The following SMYD3 variants were observed in gnomAD, a reference collection of about 807,000 sequenced individuals.
SMYD3 encodes histone-lysine N-methyltransferase SMYD3.
In SMYD3, 36 loss-of-function variants were observed where a neutral mutation model predicts 57.7. The ratio of observed to expected loss-of-function variants is 0.62; its 90% CI spans 0.48 to 0.82. The LOEUF is 0.82. SMYD3 is among the 40% of genes least tolerant of loss of function. The probability of loss-of-function intolerance (pLI) is 0.00; values close to 1 mark genes in which losing one functional copy is unlikely to be tolerated. For synonymous variants in SMYD3, 211 were observed against 195.0 expected (o/e 1.08, Z -0.68); for missense variants, 515 against 538.8 (o/e 0.96, Z 0.44).
intron 5 of SMYD3, among the ~76,000 whole-genome samples, chr1:246,121,044 G>A (rs952027990): frequency 1.3e-5 from 2 of 152,212 alleles, no homozygotes; most frequent in Non-Finnish European, 2.9e-5. Flanking sequence ...TTCTTGCTTT[G>A]AGAAGGATAC....
At chr1:246,164,330 GA>G (rs2062169404) in intron 5 of SMYD3, among the ~76,000 whole-genome samples, 1 of 152,202 alleles carries the variant, frequency 6.6e-6, no homozygotes. Flanking sequence ...TGAGGCAGGA[GA>G]ATCACTTGAA....
intron 5 of SMYD3, among the ~76,000 whole-genome samples, chr1:245,945,015 A>G (rs1490588276): frequency 6.6e-6 from 1 of 152,188 alleles, no homozygotes; most frequent in African/African-American, 2.4e-5. Context: ...TAAATATAAA[A>G]CATAAAACTA....
intron 5 of SMYD3, among the ~76,000 whole-genome samples, chr1:246,238,023 G>C (rs1330101089): frequency 3.9e-5 from 6 of 151,958 alleles, no homozygotes; most frequent in Non-Finnish European, 8.8e-5. Flanking sequence ...TTTCTAAAGA[G>C]TATCTTCTGT....
At chr1:246,313,576 G>A (rs1221816746) in intron 5 of SMYD3, among the ~76,000 whole-genome samples, 8 of 152,124 alleles carry the variant, frequency 5.3e-5, no homozygotes, top group South Asian at 2.1e-4. Context: ...GCATCAAAAC[G>A]AAAACCAAAT....
At chr1:246,425,574 A>G (rs1344021686) in intron 1 of SMYD3, among the ~76,000 whole-genome samples, 1 of 152,174 alleles carries the variant, frequency 6.6e-6, no homozygotes, top group African/African-American at 2.4e-5. Flanking sequence ...TGAATGAATA[A>G]ATACTCCCGC....
Position 246,169,688 on chromosome 1 carries a change from T to G in SMYD3, c.531+157513A>C, listed in dbSNP as rs113706338. Among the ~76,000 whole-genome samples, 246 of 152,108 alleles carry G rather than the reference T, an allele frequency of 1.6e-3. 1 individual carries two copies. The highest frequency in any genetic ancestry group is 5.5e-3 in the African/African-American group (228 of 41,498). Reference sequence around the variant, plus strand: ...TTCGGCCAAGGCAGGCGGATCACCTTAGGTCAGGAGTTTGAGACCAGCCTG... The same window carrying G: ...TTCGGCCAAGGCAGGCGGATCACCTGAGGTCAGGAGTTTGAGACCAGCCTG... On this transcript the variant is annotated intron_variant, in intron 5 of 11. Coordinates refer to ENST00000490107, the MANE Select transcript of SMYD3 (RefSeq NM_001167740.2).
chr1:246,257,815 T>C (rs867172984), intron 5 of SMYD3, among the ~76,000 whole-genome samples: 3 of 152,152 alleles, frequency 2.0e-5, no homozygotes, highest in South Asian at 4.1e-4. Context: ...TCATGTTAAA[T>C]TGTAATCTCC....
intron 10 of SMYD3, among the ~76,000 whole-genome samples, chr1:245,834,366 A>G (rs1484192208): frequency 5.9e-5 from 9 of 152,206 alleles, no homozygotes; most frequent in Admixed American, 5.9e-4. Flanking sequence ...GGGAGTAAAA[A>G]TGGTCCAGAC....
At chr1:246,494,321 AGTT>A (rs1321958714) in intron 1 of SMYD3, among the ~76,000 whole-genome samples, 1 of 152,194 alleles carries the variant, frequency 6.6e-6, no homozygotes, top group African/African-American at 2.4e-5. Flanking sequence ...ATTCCTCCAT[AGTT>A]GTTATCTCTA....
chr1:245,980,864 C>A (rs1023348221), intron 5 of SMYD3, among the ~76,000 whole-genome samples: 2 of 152,214 alleles, frequency 1.3e-5, no homozygotes, highest in African/African-American at 4.8e-5. Context: ...GCCCATGGTA[C>A]CTCGGCCACT....
At chr1:246,090,536 T>C in intron 5 of SMYD3, among the ~76,000 whole-genome samples, 1 of 150,710 alleles carries the variant, frequency 6.6e-6, no homozygotes, top group South Asian at 2.1e-4. Flanking sequence ...TTTTTTTTTT[T>C]AGATGGAGTC....
Position 245,773,920 on chromosome 1 carries a change from A to G in SMYD3, c.1077-9771T>C, listed in dbSNP as rs2046435325. ...ATTCCTCAAGAAACTTAACAGCAGA[A>G]AGTTTAAAATTTTCAGAAAATTTTA... On this transcript the variant is annotated intron_variant, in intron 10 of 11. Transcript: ENST00000490107. Among the ~76,000 whole-genome samples the G allele has an allele frequency of 2.0e-5, 3 of 152,196 alleles. No individual in the cohort carries two copies. In the South Asian group the frequency reaches 6.2e-4, roughly 31 times the overall value.
At chr1:246,241,538 T>C (rs1347097693) in intron 5 of SMYD3, among the ~76,000 whole-genome samples, 4 of 152,206 alleles carry the variant, frequency 2.6e-5, no homozygotes, top group African/African-American at 7.2e-5. Flanking sequence ...ATCATGGATA[T>C]TGGTCTAAAA....
intron 1 of SMYD3, among the ~76,000 whole-genome samples, chr1:246,496,314 G>A (rs78632844): frequency 3.3e-5 from 5 of 152,006 alleles, no homozygotes; most frequent in Admixed American, 1.3e-4. Flanking sequence ...GATTACAGGC[G>A]TGAGCCACCA....
intron 1 of SMYD3, among the ~76,000 whole-genome samples, chr1:246,370,490 C>A (rs183879753): frequency 6.6e-6 from 1 of 152,162 alleles, no homozygotes; most frequent in Non-Finnish European, 1.5e-5. Flanking sequence ...TTACTAGGGG[C>A]GTACCCTTGT....
At chr1:245,751,594 AAGAGAGAG>A (rs1350148912) in intron 11 of SMYD3, among the ~76,000 whole-genome samples, 16 of 72,422 alleles carry the variant, frequency 2.2e-4, no homozygotes, top group Admixed American at 1.2e-3. Flanking sequence ...GAGAGAGAGA[AAGAGAGAG>A]AGAGAAAGAG....
At chr1:245,893,437 C>T (rs1336298232) in intron 8 of SMYD3, among the ~76,000 whole-genome samples, 1 of 152,148 alleles carries the variant, frequency 6.6e-6, no homozygotes, top group Non-Finnish European at 1.5e-5. Flanking sequence ...CTTTGACAAC[C>T]ACCAAAACTA....
intron 2 of SMYD3, among the ~76,000 whole-genome samples, chr1:246,354,780 G>A (rs2065885355): frequency 1.3e-5 from 2 of 152,034 alleles, no homozygotes; most frequent in South Asian, 4.2e-4. Context: ...CAATAAGATG[G>A]GGAGGAATAG....
At chr1:246,320,326 T>C (rs937078051) in intron 5 of SMYD3, among the ~76,000 whole-genome samples, 3 of 152,080 alleles carry the variant, frequency 2.0e-5, no homozygotes, top group African/African-American at 4.8e-5. Context: ...AAAAGCAAGC[T>C]CCGGAGGTCA....
Sources: gnomAD v4.1 joint callset for allele counts (sites outside exome capture counted in the v4.1 genomes callset) on GRCh38, gnomAD v4.1.1 for gene constraint, MANE v1.5 for transcripts, NCBI Gene and HGNC (gene_info 2026-07-23, HGNC 2026-07-21) for gene names.